Variants in DPP10 observed in about 807,000 individuals in gnomAD.
The protein encoded by DPP10 is dipeptidyl peptidase like 10, also known as inactive dipeptidyl peptidase 10.
Under a neutral mutation model 120.9 loss-of-function variants are expected in DPP10, and 33 were observed. The ratio of observed to expected loss-of-function variants is 0.27; its 90% CI spans 0.21 to 0.37. The LOEUF is 0.37. Ranked by LOEUF, DPP10 falls within the 10% of genes least tolerant of loss-of-function variation. DPP10 has a pLI of 1.00. For synonymous variants in DPP10, 337 were observed against 326.1 expected (o/e 1.03, Z -0.36); for missense variants, 816 against 942.8 (o/e 0.87, Z 1.76).
chr2:115,583,393 G>C (rs2082108821), intron 5 of DPP10, among the ~76,000 whole-genome samples: 1 of 152,166 alleles, frequency 6.6e-6, no homozygotes, highest in South Asian at 2.1e-4. Context: ...GAGATTGCTT[G>C]ATAGTGTTCA....
chr2:115,418,547 GA>G (rs1192346871), intron 3 of DPP10, among the ~76,000 whole-genome samples: 6 of 152,110 alleles, frequency 3.9e-5, no homozygotes, highest in Non-Finnish European at 7.4e-5. Flanking sequence ...GAGGCAGGAG[GA>G]TTGCTTGAGC....
At chr2:114,965,421 C>T (rs966498678) in intron 1 of DPP10, among the ~76,000 whole-genome samples, 12 of 152,044 alleles carry the variant, frequency 7.9e-5, no homozygotes, top group African/African-American at 2.9e-4. Flanking sequence ...CAAGCCTGAT[C>T]CACCGTGCCT....
chr2:115,225,776 G>A (rs920225757), intron 1 of DPP10, among the ~76,000 whole-genome samples: 5 of 151,670 alleles, frequency 3.3e-5, no homozygotes, highest in African/African-American at 1.2e-4. Context: ...AGCATATATT[G>A]ATTTTTGTGG....
At chr2:115,648,769 G>A (rs796320019) in intron 5 of DPP10, among the ~76,000 whole-genome samples, 1 of 152,138 alleles carries the variant, frequency 6.6e-6, no homozygotes, top group Non-Finnish European at 1.5e-5. Context: ...GTGGAGTGAA[G>A]TGAGAGTTCA....
chr2:114,703,057 G>T (rs137954237), intron 1 of DPP10, among the ~76,000 whole-genome samples: 4 of 152,212 alleles, frequency 2.6e-5, no homozygotes, highest in African/African-American at 9.6e-5. Flanking sequence ...TCTCCTGGAG[G>T]TTGTAGTGTG....
intron 1 of DPP10, among the ~76,000 whole-genome samples, chr2:114,831,275 C>A (rs929389442): frequency 6.6e-6 from 1 of 151,956 alleles, no homozygotes; most frequent in Non-Finnish European, 1.5e-5. Flanking sequence ...TAGGTTCATG[C>A]ATTTGTGTCC....
intron 4 of DPP10, 90 bp from the exon 5 acceptor site, chr2:115,525,808 G>T: frequency 1.1e-6 from 1 of 872,346 alleles, no homozygotes; most frequent in South Asian, 1.7e-5. Flanking sequence ...ATTTTATAGT[G>T]CTATGAAAAT....
At chr2:115,377,887 G>T (rs2065941136) in intron 3 of DPP10, among the ~76,000 whole-genome samples, 1 of 152,108 alleles carries the variant, frequency 6.6e-6, no homozygotes, top group South Asian at 2.1e-4. Flanking sequence ...ATTTCTGAGG[G>T]CTCTGTTCTG....
At chr2:114,697,198 C>T (rs1700118148) in intron 1 of DPP10, among the ~76,000 whole-genome samples, 1 of 151,936 alleles carries the variant, frequency 6.6e-6, no homozygotes, top group African/African-American at 2.4e-5. Flanking sequence ...AGAAAAGTTA[C>T]CAGATATAGC....
At chr2:115,034,842 T>C (rs936334430) in intron 1 of DPP10, among the ~76,000 whole-genome samples, 3 of 152,226 alleles carry the variant, frequency 2.0e-5, no homozygotes, top group African/African-American at 7.2e-5. Context: ...CTGCTTTAGT[T>C]CTTTCAGGCT....
At chr2:114,852,008 C>T (rs1167899303) in intron 1 of DPP10, among the ~76,000 whole-genome samples, 1 of 152,002 alleles carries the variant, frequency 6.6e-6, no homozygotes, top group Non-Finnish European at 1.5e-5. Flanking sequence ...AATATAAGCT[C>T]ATAACCATGG....
At chr2:114,913,196 G>A (rs1694508281) in intron 1 of DPP10, among the ~76,000 whole-genome samples, 1 of 152,166 alleles carries the variant, frequency 6.6e-6, no homozygotes, top group Admixed American at 6.5e-5. Context: ...CTGTAAGTGG[G>A]CATCCACCAG....
intron 1 of DPP10, among the ~76,000 whole-genome samples, chr2:114,785,453 A>G (rs937701408): frequency 5.9e-5 from 9 of 152,246 alleles, no homozygotes; most frequent in South Asian, 2.1e-4. Context: ...CCAGAGTGGA[A>G]AGAACCTGGT....
intron 1 of DPP10, among the ~76,000 whole-genome samples, chr2:115,232,742 C>G (rs1416173095): frequency 6.6e-6 from 1 of 152,168 alleles, no homozygotes; most frequent in Admixed American, 6.5e-5. Flanking sequence ...TCAATGAATA[C>G]ACTTATTTTG....
intron 1 of DPP10, among the ~76,000 whole-genome samples, chr2:114,492,642 A>G (rs1017405302): frequency 4.6e-5 from 7 of 152,166 alleles, no homozygotes; most frequent in African/African-American, 1.7e-4. Context: ...TTAATATAAA[A>G]CTAAAAAGTT....
intron 1 of DPP10, among the ~76,000 whole-genome samples, chr2:114,990,735 C>G (rs1467432527): frequency 2.6e-5 from 4 of 152,136 alleles, no homozygotes; most frequent in African/African-American, 9.7e-5. Flanking sequence ...CACAGACACC[C>G]TTTGAAGTTA....
At chr2:115,222,637 G>A (rs2057234020) in intron 1 of DPP10, among the ~76,000 whole-genome samples, 1 of 151,974 alleles carries the variant, frequency 6.6e-6, no homozygotes, top group Non-Finnish European at 1.5e-5. Context: ...ATCCTTATCA[G>A]CAGCATGAAA....
intron 3 of DPP10, among the ~76,000 whole-genome samples, chr2:115,426,443 G>A (rs1429258789): frequency 6.1e-4 from 20 of 32,862 alleles, no homozygotes; most frequent in African/African-American, 2.9e-3. Flanking sequence ...CACCTCCGAC[G>A]CTGGAGATGA....
intron 1 of DPP10, among the ~76,000 whole-genome samples, chr2:114,620,610 A>G (rs866124334): frequency 1.3e-5 from 2 of 152,092 alleles, no homozygotes; most frequent in Non-Finnish European, 2.9e-5. Context: ...TTCAATTGAC[A>G]GTGAAAATTT....
Sources: allele counts gnomAD v4.1 joint callset (sites outside exome capture counted in the v4.1 genomes callset), GRCh38; gene constraint gnomAD v4.1.1; transcripts MANE v1.5; gene names NCBI Gene and HGNC (gene_info 2026-07-23, HGNC 2026-07-21).